DNAH14: variants seen among roughly 807,000 people sequenced by gnomAD.
DNAH14 encodes axonemal beta dynein heavy chain 14.
A neutral mutation model predicts 520.9 loss-of-function variants in DNAH14; 478 were observed. That is an observed-to-expected ratio of 0.92 (90% CI 0.85 to 0.99). The LOEUF is 0.99. DNAH14 is among the 50% of genes least tolerant of loss of function. The pLI is 0.00. For synonymous variants in DNAH14, 1,581 were observed against 1,757.2 expected (o/e 0.90, Z 2.51); for missense variants, 4,831 against 5,234.5 (o/e 0.92, Z 2.38).
At chr1:224,959,966 T>C (rs1315563133) in intron 3 of DNAH14, among the ~76,000 whole-genome samples, 187 bp from the exon 4 acceptor site, 17 of 152,160 alleles carry the variant, frequency 1.1e-4, no homozygotes, top group Admixed American at 1.1e-3. Flanking sequence ...AAGTAAATCA[T>C]GTGACTATGA....
intron 23 of DNAH14, among the ~76,000 whole-genome samples, chr1:225,103,374 C>T (rs937239787): frequency 6.6e-6 from 1 of 152,180 alleles, no homozygotes; most frequent in African/African-American, 2.4e-5. Flanking sequence ...ACAATGCGGG[C>T]TCTTTTTTGG....
At chr1:225,122,180 G>A (rs1321705559) in intron 26 of DNAH14, among the ~76,000 whole-genome samples, 2 of 152,094 alleles carry the variant, frequency 1.3e-5, no homozygotes, top group Admixed American at 6.5e-5. Context: ...ATTTTAGTTT[G>A]GGGCTATGGA....
At chr1:225,263,115 T>C (rs1386934183) in intron 46 of DNAH14, among the ~76,000 whole-genome samples, 1 of 151,720 alleles carries the variant, frequency 6.6e-6, no homozygotes, top group Non-Finnish European at 1.5e-5. Context: ...TTGAATTACA[T>C]AAGAAGATGG....
Position 224,936,894 on chromosome 1 carries a change from G to A in DNAH14, c.-34+7059G>A, listed in dbSNP as rs201403626. Among the ~76,000 whole-genome samples, 13 of 151,776 alleles carry A rather than the reference G, an allele frequency of 8.6e-5. No individual in the cohort carries two copies. The East Asian group carries it at 2.5e-3, about 29-fold the overall frequency. ...CATGATCAATTGAGATTCTTCCCAG[G>A]GATGTAAAGATGGTTCAACATACAC... On this transcript the variant is annotated intron_variant, in intron 1 of 85. Coordinates refer to ENST00000682510, the MANE Select transcript of DNAH14 (RefSeq NM_001367479.1).
intron 54 of DNAH14, among the ~76,000 whole-genome samples, chr1:225,281,801 T>C (rs2093632273): frequency 6.6e-6 from 1 of 152,106 alleles, no homozygotes; most frequent in African/African-American, 2.4e-5. Context: ...TAGATTGTGA[T>C]TAAAAATAAA....
chr1:225,123,725 A>AT (rs75447949), intron 27 of DNAH14, 111 bp downstream of exon 27: 4 of 196,502 alleles, frequency 2.0e-5, no homozygotes, highest in African/African-American at 4.8e-5. Flanking sequence ...GAGTCACATG[A>AT]TTTTTTTTCC....
chr1:225,176,096 C>A (rs999005941), intron 36 of DNAH14, among the ~76,000 whole-genome samples: 1 of 152,034 alleles, frequency 6.6e-6, no homozygotes, highest in African/African-American at 2.4e-5. Context: ...GTTTATCCAA[C>A]TTCCTTCCTT....
chr1:225,147,907 A>T (rs2080104089), intron 31 of DNAH14, among the ~76,000 whole-genome samples: 2 of 152,122 alleles, frequency 1.3e-5, no homozygotes, highest in Admixed American at 1.3e-4. Flanking sequence ...CTACTGCATT[A>T]ATTTGCTTTG....
intron 10 of DNAH14, among the ~76,000 whole-genome samples, chr1:225,016,082 G>T (rs949347789): frequency 5.9e-5 from 9 of 152,184 alleles, no homozygotes; most frequent in African/African-American, 1.9e-4. Flanking sequence ...TTTGGTGATT[G>T]TCTATTGTTT....
intron 60 of DNAH14, among the ~76,000 whole-genome samples, chr1:225,312,391 C>T (rs1423647089): frequency 1.3e-5 from 2 of 152,136 alleles, no homozygotes; most frequent in Non-Finnish European, 2.9e-5. Flanking sequence ...CATCTGCAAA[C>T]AGAGACAATT....
chr1:225,063,038 T>C (rs1254389213), intron 17 of DNAH14, among the ~76,000 whole-genome samples: 2 of 152,030 alleles, frequency 1.3e-5, no homozygotes, highest in African/African-American at 2.4e-5. Context: ...GAGATGGGGC[T>C]AACAGAAAAA....
At chr1:225,061,907 G>A (rs1458256499) in intron 17 of DNAH14, among the ~76,000 whole-genome samples, 2 of 152,202 alleles carry the variant, frequency 1.3e-5, no homozygotes, top group Admixed American at 1.3e-4. Context: ...TGATTATGAT[G>A]TGAGACTGCC....
chr1:224,943,502 T>C (rs1185225756), intron 1 of DNAH14, among the ~76,000 whole-genome samples: 3 of 152,216 alleles, frequency 2.0e-5, no homozygotes, highest in African/African-American at 7.2e-5. Flanking sequence ...CCTTCAGTTC[T>C]GCTCTGATCT....
chr1:225,175,316 T>C (rs1178607208), intron 36 of DNAH14, among the ~76,000 whole-genome samples: 2 of 152,194 alleles, frequency 1.3e-5, no homozygotes, highest in African/African-American at 4.8e-5. Flanking sequence ...GAAAACTCTT[T>C]ATTACTCATT....
intron 38 of DNAH14, 138 bp from the exon 39 acceptor site, chr1:225,204,045 A>T: frequency 2.1e-6 from 1 of 470,434 alleles, no homozygotes; most frequent in Non-Finnish European, 3.8e-6. Flanking sequence ...TATGCTGGTT[A>T]TATGTTGGTC....
intron 42 of DNAH14, among the ~76,000 whole-genome samples, chr1:225,236,079 G>T (rs531230475): frequency 4.5e-4 from 69 of 151,900 alleles, no homozygotes; most frequent in Non-Finnish European, 6.9e-4. Flanking sequence ...CTAGCTTTGG[G>T]GTTTGTTTGC....
intron 42 of DNAH14, among the ~76,000 whole-genome samples, chr1:225,238,718 A>G (rs1448243757): frequency 6.6e-6 from 1 of 152,120 alleles, no homozygotes; most frequent in African/African-American, 2.4e-5. Context: ...AGGCTGGAAC[A>G]GCTGAGTCAA....
At position 224,939,863 on chromosome 1, in the gene DNAH14, G is replaced by T. The variant is rs552966190; in HGVS notation, c.-34+10028G>T. Among the ~76,000 whole-genome samples the T allele has an allele frequency of 2.6e-5, 4 of 152,284 alleles. No individual in the cohort carries two copies. The East Asian group carries it at 7.7e-4, about 29-fold the overall frequency. Reference sequence around the variant, plus strand: ...AATTGTAATTCCTAGTGTTGGAGGAGGGTCCTGGTGGGAGGTGACTGAATC... The same window carrying T: ...AATTGTAATTCCTAGTGTTGGAGGATGGTCCTGGTGGGAGGTGACTGAATC... On this transcript the variant is annotated intron_variant, in intron 1 of 85. Transcript: ENST00000682510.
At chr1:225,287,946 C>T (rs1388517307) in intron 54 of DNAH14, among the ~76,000 whole-genome samples, 2 of 152,008 alleles carry the variant, frequency 1.3e-5, no homozygotes, top group Non-Finnish European at 2.9e-5. Flanking sequence ...AATAAATATC[C>T]ATGGGCCCAT....
Sources: allele counts gnomAD v4.1 joint callset (sites outside exome capture counted in the v4.1 genomes callset), GRCh38; gene constraint gnomAD v4.1.1; transcripts MANE v1.5; gene names NCBI Gene and HGNC (gene_info 2026-07-23, HGNC 2026-07-21).